KCNJ6: variants seen among roughly 807,000 people sequenced by gnomAD.
The protein encoded by KCNJ6 is potassium inwardly rectifying channel subfamily J member 6.
KCNJ6 carries 9 observed loss-of-function variants against 34.2 expected under a neutral mutation model. The observed-to-expected ratio is 0.26, with a 90% CI of 0.16 to 0.46. KCNJ6 has a LOEUF of 0.46. Among genes scored for constraint, KCNJ6 ranks in the 20% least tolerant of loss-of-function variants. The pLI is 1.00. For missense variants in KCNJ6, 236 were observed against 531.3 expected, an observed-to-expected ratio of 0.44 and a Z score of 5.46; for synonymous variants, 196 against 207.1, an observed-to-expected ratio of 0.95 and a Z score of 0.46.
chr21:37,670,847 A>T (rs1255417125), intron 3 of KCNJ6, among the ~76,000 whole-genome samples: 1 of 152,164 alleles, frequency 6.6e-6, no homozygotes, highest in Non-Finnish European at 1.5e-5. Flanking sequence ...TTATTTAGAT[A>T]TTCTTTCATT....
chr21:37,611,310 T>C lies in KCNJ6; in HGVS notation c.*13849A>G, dbSNP rs2054241942. The C allele has an allele frequency of 6.6e-6, 1 of 152,226 alleles. No individual in the cohort carries two copies. The highest frequency in any genetic ancestry group is 2.4e-5 in the African/African-American group (1 of 41,470). The allele number at this position is 152,226 out of a possible 1,614,324, so 9.4% of individuals were successfully genotyped here. A position where few individuals can be genotyped will look rare whatever the true frequency, so the allele number is the denominator to read the frequency against. On this transcript the variant is annotated 3_prime_UTR_variant, in exon 4 of 4. Transcript: ENST00000609713. ...CTCACACAAGAGCAAATAGACAATC[T>C]GAATAGGTATATCTCTGTTAAATAA...
At chr21:37,722,317 C>T (rs1427647253) in intron 2 of KCNJ6, among the ~76,000 whole-genome samples, 1 of 152,182 alleles carries the variant, frequency 6.6e-6, no homozygotes, top group Non-Finnish European at 1.5e-5. Flanking sequence ...AAAAACATCC[C>T]ATGCTCATGG....
intron 2 of KCNJ6, among the ~76,000 whole-genome samples, chr21:37,763,778 T>C (rs955662328): frequency 6.6e-5 from 10 of 152,186 alleles, no homozygotes; most frequent in African/African-American, 2.4e-4. Flanking sequence ...TTTGGTTTTC[T>C]GTCCTTGCGA....
At chr21:37,669,090 C>T (rs754629170) in intron 3 of KCNJ6, among the ~76,000 whole-genome samples, 5 of 152,166 alleles carry the variant, frequency 3.3e-5, no homozygotes, top group Non-Finnish European at 5.9e-5. Flanking sequence ...ACCCTGGTCT[C>T]CACAACCCCT....
intron 1 of KCNJ6, among the ~76,000 whole-genome samples, chr21:37,849,838 A>T (rs2055528671): frequency 6.6e-6 from 1 of 152,258 alleles, no homozygotes; most frequent in Non-Finnish European, 1.5e-5. Flanking sequence ...ACAAAGTAAC[A>T]GAGCAAGTCA....
intron 2 of KCNJ6, among the ~76,000 whole-genome samples, chr21:37,755,739 G>A (rs1388768136): frequency 6.6e-6 from 1 of 152,166 alleles, no homozygotes; most frequent in Non-Finnish European, 1.5e-5. Flanking sequence ...GGGGTGAGGT[G>A]GGTGCTACCA....
intron 3 of KCNJ6, among the ~76,000 whole-genome samples, chr21:37,683,657 C>T (rs59725801): frequency 0.095 from 14,397 of 152,196 alleles, 1,638 homozygotes; most frequent in African/African-American, 0.27. Context: ...AGACCAAAGC[C>T]TGGCAGGGAG....
At chr21:37,720,217 G>A (rs745477858) in intron 2 of KCNJ6, among the ~76,000 whole-genome samples, 3 of 151,568 alleles carry the variant, frequency 2.0e-5, no homozygotes, top group East Asian at 3.8e-4. Context: ...ACAACACATC[G>A]AGACACTCTA....
intron 1 of KCNJ6, among the ~76,000 whole-genome samples, chr21:37,875,729 T>C (rs1218090254): frequency 6.6e-6 from 1 of 152,160 alleles, no homozygotes; most frequent in Non-Finnish European, 1.5e-5. Context: ...AGCAGCCATC[T>C]CAGGGTCAGT....
intron 2 of KCNJ6, among the ~76,000 whole-genome samples, chr21:37,768,045 A>C (rs2123501107): frequency 6.6e-6 from 1 of 152,094 alleles, no homozygotes. Flanking sequence ...ACTTGGGTAA[A>C]ATTTTTAAAT....
chr21:37,683,417 G>C (rs181688490), intron 3 of KCNJ6, among the ~76,000 whole-genome samples: 14 of 152,116 alleles, frequency 9.2e-5, no homozygotes, highest in East Asian at 5.8e-4. Context: ...CCTTCCTCAG[G>C]GTTTCCTGGA....
At chr21:37,746,764 A>T (rs1265464733) in intron 2 of KCNJ6, among the ~76,000 whole-genome samples, 1 of 152,226 alleles carries the variant, frequency 6.6e-6, no homozygotes, top group African/African-American at 2.4e-5. Context: ...ATGAATAGGT[A>T]ATTTCAGATC....
intron 2 of KCNJ6, among the ~76,000 whole-genome samples, chr21:37,716,563 A>C (rs1245842137): frequency 6.6e-6 from 1 of 151,692 alleles, no homozygotes; most frequent in African/African-American, 2.4e-5. Context: ...TTTTATTTTC[A>C]TGGAGACGGG....
chr21:37,615,241 A>ATTTTTTTTTTTTTTTTTTTTTTT lies in KCNJ6; in HGVS notation c.*9917_*9918insAAAAAAAAAAAAAAAAAAAAAAA, dbSNP rs2054262036. 2.7e-5 allele frequency: 3 copies of ATTTTTTTTTTTTTTTTTTTTTTT among 111,856 alleles called. 1 individual carries two copies. The highest frequency in any genetic ancestry group is 1.1e-4 in the African/African-American group (3 of 26,214). The allele number at this position is 111,856 out of a possible 1,614,324, so 6.9% of individuals were successfully genotyped here. On this transcript the variant is annotated 3_prime_UTR_variant, in exon 4 of 4. Coordinates refer to ENST00000609713, the MANE Select transcript of KCNJ6 (RefSeq NM_002240.5). ...CAGACCCTCGACTGACATTCCCAGC[A>ATTTTTTTTTTTTTTTTTTTTTTT]TTCTTTTTTTTTTTTTTTTTTTTTT... is the stretch of plus-strand genomic sequence containing the variant.
chr21:37,857,578 A>G (rs2055571471), intron 1 of KCNJ6, among the ~76,000 whole-genome samples: 1 of 152,218 alleles, frequency 6.6e-6, no homozygotes, highest in African/African-American at 2.4e-5. Context: ...TAGCTGTGTG[A>G]TGTAAGGACT....
At chr21:37,630,849 C>T (rs989558471) in intron 3 of KCNJ6, among the ~76,000 whole-genome samples, 2 of 151,728 alleles carry the variant, frequency 1.3e-5, no homozygotes, top group African/African-American at 4.8e-5. Context: ...ATGGTAGTTG[C>T]CATTTGCATT....
At chr21:37,751,474 C>T (rs1330613049) in intron 2 of KCNJ6, among the ~76,000 whole-genome samples, 1 of 152,206 alleles carries the variant, frequency 6.6e-6, no homozygotes, top group African/African-American at 2.4e-5. Context: ...TTTTCACACT[C>T]ATACGTAAGA....
chr21:37,725,311 T>C (rs2054848675), intron 2 of KCNJ6, among the ~76,000 whole-genome samples: 1 of 152,158 alleles, frequency 6.6e-6, no homozygotes, highest in African/African-American at 2.4e-5. Flanking sequence ...GAGAATCGCT[T>C]GAACCTGGGA....
rs71328602 is a variant in KCNJ6 at position 37,610,598 on chromosome 21, T to TAAAAAAAAAAAAAAAAAAAA, written c.*14541_*14560dup. ...TGGGCAACAGAGTGAGACTCTGTCT[T>TAAAAAAAAAAAAAAAAAAAA]AAAAAAAAAAAAAAAAAAAAAAGGA... On this transcript the variant is annotated 3_prime_UTR_variant, in exon 4 of 4. Coordinates refer to ENST00000609713, the MANE Select transcript of KCNJ6 (RefSeq NM_002240.5). The TAAAAAAAAAAAAAAAAAAAA allele has an allele frequency of 5.2e-5, 4 of 77,472 alleles. No homozygotes were observed. The highest frequency in any genetic ancestry group is 2.3e-4 in the African/African-American group (4 of 17,430). 4.8% of individuals were successfully genotyped at this position (77,472 alleles called of 1,614,324 possible).
Sources: gnomAD v4.1 joint callset for allele counts (sites outside exome capture counted in the v4.1 genomes callset) on GRCh38, gnomAD v4.1.1 for gene constraint, MANE v1.5 for transcripts, NCBI Gene and HGNC (gene_info 2026-07-23, HGNC 2026-07-21) for gene names.